The following HPS4 variants were observed in gnomAD, a reference collection of about 807,000 sequenced individuals.
HPS4 encodes the protein HPS4 biogenesis of lysosomal organelles complex 3 subunit 2.
Under a neutral mutation model 70.3 loss-of-function variants are expected in HPS4, and 44 were observed. That is an observed-to-expected ratio of 0.63 (90% CI 0.49 to 0.80). The LOEUF (loss-of-function observed/expected upper bound fraction) is 0.80. Among genes scored for constraint, HPS4 ranks in the 30% least tolerant of loss-of-function variants. HPS4 has a pLI of 0.00. For synonymous variants in HPS4, 377 were observed against 355.9 expected, an observed-to-expected ratio of 1.06 and a Z score of -0.67; for missense variants, 873 against 884.4, an observed-to-expected ratio of 0.99 and a Z score of 0.16.
At chr22:26,462,113 C>T (rs1601872164) in intron 11 of HPS4, among the ~76,000 whole-genome samples, 1 of 132,822 alleles carries the variant, frequency 7.5e-6, no homozygotes, top group Admixed American at 7.9e-5. Flanking sequence ...GCAACAAGAG[C>T]GGAACTCCAT....
In HPS4 at chr22:26,471,127, C is replaced by A; in HGVS notation, c.502-314G>T. 6.7e-6 allele frequency: 3 copies of A among 450,462 alleles called. No homozygotes were observed. The East Asian group carries it at 1.4e-4, about 21-fold the overall frequency. 27.9% of individuals were successfully genotyped at this position (450,462 alleles called of 1,614,324 possible). ...ATGGCCTGGGAGACCGACTGTCTAC[C>A]CTGACAATGCTAAGACCTCACGGCA... On this transcript the variant is annotated intron_variant, in intron 6 of 13. Coordinates refer to ENST00000398145, the MANE Select transcript of HPS4 (RefSeq NM_022081.6).
chr22:26,473,765 G>A (rs916913344), intron 4 of HPS4, among the ~76,000 whole-genome samples: 2 of 152,090 alleles, frequency 1.3e-5, no homozygotes, highest in African/African-American at 4.8e-5. Context: ...TACTTGCTGA[G>A]TTAGAAAGTT....
intron 12 of HPS4, 78 bp downstream of exon 12, chr22:26,458,367 G>C (rs554098166): frequency 6.4e-7 from 1 of 1,552,692 alleles, no homozygotes; most frequent in Admixed American, 1.7e-5. Context: ...TCATCATGAT[G>C]CTGGGGCTCA....
intron 3 of HPS4, among the ~76,000 whole-genome samples, chr22:26,445,186 T>C (rs1206412228): frequency 6.6e-6 from 1 of 152,084 alleles, no homozygotes; most frequent in African/African-American, 2.4e-5. Context: ...ACAAACAAAC[T>C]AGCTGAGTGT....
At chr22:26,466,448 C>A in intron 8 of HPS4, 186 bp from the exon 9 acceptor site, 1 of 707,908 alleles carries the variant, frequency 1.4e-6, no homozygotes, top group South Asian at 1.5e-5. Flanking sequence ...CCCACTATGG[C>A]TGGGATGAAG....
In HPS4 at chr22:26,464,948, T is replaced by G. The variant is rs2088208300; in HGVS notation, c.804-122A>C. ...AGGGGGTGCCTGAGGCCACAGAGCC[T>G]AAGAGGCCACCAGAGTTAAATCACA... On this transcript the variant is annotated intron_variant, in intron 10 of 13. Coordinates refer to ENST00000398145, the MANE Select transcript of HPS4 (RefSeq NM_022081.6). 7.1e-6 allele frequency: 6 copies of G among 849,422 alleles called. No individual in the cohort carries two copies. The East Asian group carries it at 1.5e-4, about 22-fold the overall frequency. 52.6% of individuals were successfully genotyped at this position (849,422 alleles called of 1,614,324 possible). A position where few individuals can be genotyped will look rare whatever the true frequency, so the allele number is the denominator to read the frequency against.
Position 26,452,554 on chromosome 22 carries a change from G to C in HPS4, c.*679C>G. On this transcript the variant is annotated 3_prime_UTR_variant, in exon 14 of 14. Transcript: ENST00000398145. ...GAATTCTCAGGGCTCAGCCCCCAGA[G>C]CTTTTATAAAGGGATCTCTAAAGCC... 3.0e-6 allele frequency: 1 copy of C among 335,870 alleles called. No individual in the cohort carries two copies. The highest frequency in any genetic ancestry group is 4.5e-5 in the Admixed American group (1 of 22,382). The allele number at this position is 335,870 out of a possible 1,614,324, so 20.8% of individuals were successfully genotyped here.
At chr22:26,471,506 A>G in intron 6 of HPS4, 1 of 432,130 alleles carries the variant, frequency 2.3e-6, no homozygotes, top group East Asian at 7.0e-5. Flanking sequence ...TGTTAGAACT[A>G]GTGTTAATGG....
Position 26,472,230 on chromosome 22 carries a change from C to A in HPS4, c.501+72G>T, listed in dbSNP as rs897827868. On this transcript the variant is annotated intron_variant, in intron 6 of 13. Coordinates refer to ENST00000398145, the MANE Select transcript of HPS4 (RefSeq NM_022081.6). The stretch of plus-strand genomic sequence containing the variant: ...TCACTTTTCCAGATATAGTTCACTT[C>A]AGGAATATTAAAAAAGTATCCAGAA... 6.2e-6 allele frequency: 6 copies of A among 963,664 alleles called. No homozygotes were observed. The Admixed American group carries it at 1.0e-4, about 16-fold the overall frequency. 59.7% of individuals were successfully genotyped at this position (963,664 alleles called of 1,614,324 possible).
At chr22:26,453,443 TG>T in intron 13 of HPS4, 39 bp from the exon 14 acceptor site, 1 of 1,609,952 alleles carries the variant, frequency 6.2e-7, no homozygotes, top group Non-Finnish European at 8.5e-7. Flanking sequence ...CCAATGCTGC[TG>T]GTGCTAATCT....
Position 26,464,231 on chromosome 22 carries a change from T to G in HPS4, c.1399A>C (p.Arg467=), listed in dbSNP as rs751051493. 6 of 1,614,094 alleles carry G rather than the reference T, an allele frequency of 3.7e-6. No homozygotes were observed. The African/African-American group carries it at 8.0e-5, about 22-fold the overall frequency. Residue 467 remains arginine (R), a synonymous_variant, in exon 11 of 14, where the codon AGG becomes CGG. Coordinates refer to ENST00000398145, the MANE Select transcript of HPS4 (RefSeq NM_022081.6). ...TCTAAGCGAGGCAATAACAAGGGCC[T>G]GCGGGTCCTTCTGGGGAGAGGGTCT... ...RADPLPRRTR[R]PLLLPRLDPG...
At chr22:26,466,732 A>G (rs182098437) in intron 8 of HPS4, 10 of 205,630 alleles carry the variant, frequency 4.9e-5, no homozygotes, top group African/African-American at 1.2e-4. Flanking sequence ...GCTATACCCA[A>G]TCTCTCGTTT....
chr22:26,472,151 A>G, intron 6 of HPS4, 151 bp downstream of exon 6: 1 of 697,176 alleles, frequency 1.4e-6, no homozygotes, highest in African/African-American at 1.8e-5. Flanking sequence ...AAGGGAAATG[A>G]GGCTGAGAGG....
chr22:26,465,082 G>C (rs541514110), intron 10 of HPS4, among the ~76,000 whole-genome samples: 21 of 152,318 alleles, frequency 1.4e-4, no homozygotes, highest in African/African-American at 5.1e-4. Flanking sequence ...ACATCTGGAA[G>C]GTCTCCTACG....
intron 12 of HPS4, 74 bp from the exon 13 acceptor site, chr22:26,458,041 C>G: frequency 8.2e-7 from 1 of 1,213,924 alleles, no homozygotes; most frequent in Non-Finnish European, 1.2e-6. Flanking sequence ...AAGCCCAGTA[C>G]TGAACACGGG....
chr22:26,476,018 G>C (rs964810927), intron 4 of HPS4: 1 of 152,126 alleles, frequency 6.6e-6, no homozygotes, highest in Non-Finnish European at 1.5e-5. Flanking sequence ...ACTCCAGCCT[G>C]AGCAACAGAT....
At chr22:26,472,191 A>C (rs992100267) in intron 6 of HPS4, 111 bp downstream of exon 6, 5 of 798,108 alleles carry the variant, frequency 6.3e-6, no homozygotes, top group Admixed American at 5.2e-5. Context: ...CCTGCCTGAG[A>C]AGTGACATTC....
At chr22:26,470,418 G>A (rs995921879) in intron 7 of HPS4, among the ~76,000 whole-genome samples, 1 of 152,206 alleles carries the variant, frequency 6.6e-6, no homozygotes, top group South Asian at 2.1e-4. Context: ...GGCAACGCTC[G>A]GGACTCTGCA....
intron 5 of HPS4, 40 bp from the exon 6 acceptor site, chr22:26,472,458 G>C (rs2089966210): frequency 7.8e-7 from 1 of 1,279,504 alleles, no homozygotes; most frequent in African/African-American, 1.5e-5. Flanking sequence ...CTGAGATTTT[G>C]AGGGACAGAT....
Sources: allele counts gnomAD v4.1 joint callset (sites outside exome capture counted in the v4.1 genomes callset), GRCh38; gene constraint gnomAD v4.1.1; transcripts MANE v1.5; gene names NCBI Gene and HGNC (gene_info 2026-07-23, HGNC 2026-07-21).